MCUB: variants seen among roughly 807,000 people sequenced by gnomAD.
MCUB encodes calcium uniporter regulatory subunit MCUb, mitochondrial.
Under a neutral mutation model 41.4 loss-of-function variants are expected in MCUB, and 46 were observed. The ratio of observed to expected loss-of-function variants is 1.11; its 90% CI spans 0.88 to 1.42. The LOEUF (loss-of-function observed/expected upper bound fraction) is 1.42. Ranked by LOEUF, MCUB falls within the 40% of genes most tolerant of loss-of-function variation. The probability of loss-of-function intolerance (pLI) is 0.00; values close to 1 mark genes in which losing one functional copy is unlikely to be tolerated. For missense variants in MCUB, 403 were observed against 404.9 expected, an observed-to-expected ratio of 1.00 and a Z score of 0.04; for synonymous variants, 148 against 148.2, an observed-to-expected ratio of 1.00 and a Z score of 0.01.
intron 1 of MCUB, among the ~76,000 whole-genome samples, chr4:109,595,279 G>A (rs1158581296): frequency 6.6e-6 from 1 of 152,238 alleles, no homozygotes; most frequent in African/African-American, 2.4e-5. Context: ...GTGGGCCAAG[G>A]GAGTGAGGTA....
At chr4:109,577,989 G>A (rs188522000) in intron 1 of MCUB, among the ~76,000 whole-genome samples, 34 of 152,282 alleles carry the variant, frequency 2.2e-4, no homozygotes, top group Admixed American at 2.1e-3. Context: ...TCAGTTTTAT[G>A]TGGAAAACTT....
chr4:109,646,711 G>A (rs1728846302), intron 1 of MCUB, among the ~76,000 whole-genome samples: 1 of 152,052 alleles, frequency 6.6e-6, no homozygotes, highest in South Asian at 2.1e-4. Flanking sequence ...ACCTTACTGT[G>A]GTCCTACTGG....
chr4:109,592,255 C>CA (rs1727453595), intron 1 of MCUB, among the ~76,000 whole-genome samples: 1 of 151,540 alleles, frequency 6.6e-6, no homozygotes. Flanking sequence ...ACTAAAAATA[C>CA]AAAAATTAGC....
chr4:109,629,361 G>A (rs1728425986), intron 1 of MCUB, among the ~76,000 whole-genome samples: 1 of 152,022 alleles, frequency 6.6e-6, no homozygotes, highest in African/African-American at 2.4e-5. Context: ...TTTTTCTATT[G>A]TCTTAACAAC....
Position 109,660,211 on chromosome 4 carries a change from T to C in MCUB, c.192T>C (p.Tyr64=). Residue 64 remains tyrosine, a synonymous_variant, in exon 3 of 8, where the codon TAT becomes TAC. Coordinates refer to ENST00000394650, the MANE Select transcript of MCUB (RefSeq NM_017918.5). ...CCTTAACAGAAATAACAGTTATTTA[T>C]AGACATGGCCTTCCCTTGGTAACAC... ...VVPPDEITVI[Y]RHGLPLVTLT... is the part of the protein sequence containing the mutation. The C allele has an allele frequency of 6.4e-7, 1 of 1,552,148 alleles. No individual in the cohort carries two copies. Among genetic ancestry groups the C allele is most frequent in the Non-Finnish European group, 8.8e-7 (1 of 1,140,224 alleles).
intron 1 of MCUB, among the ~76,000 whole-genome samples, chr4:109,574,579 C>T (rs1726987183): frequency 6.6e-6 from 1 of 152,172 alleles, no homozygotes; most frequent in Non-Finnish European, 1.5e-5. Context: ...ACTGAAAAAA[C>T]TTCAGTGCCA....
At chr4:109,673,376 C>A (rs893840342) in intron 4 of MCUB, among the ~76,000 whole-genome samples, 25 of 152,290 alleles carry the variant, frequency 1.6e-4, no homozygotes, top group Admixed American at 3.9e-4. Flanking sequence ...CACTCCTGCC[C>A]ACTCATTAGA....
intron 1 of MCUB, among the ~76,000 whole-genome samples, chr4:109,575,857 A>G (rs1727014357): frequency 1.3e-5 from 2 of 152,342 alleles, no homozygotes; most frequent in East Asian, 3.9e-4. Flanking sequence ...GAAACTTTAG[A>G]ACAGCTTTGT....
chr4:109,636,134 A>G (rs1728584350), intron 1 of MCUB, among the ~76,000 whole-genome samples: 2 of 152,166 alleles, frequency 1.3e-5, no homozygotes, highest in Admixed American at 1.3e-4. Flanking sequence ...TATCTGGTCA[A>G]TTACAATGAG....
chr4:109,660,780 C>T (rs1202887778), intron 3 of MCUB, among the ~76,000 whole-genome samples: 1 of 151,466 alleles, frequency 6.6e-6, no homozygotes, highest in Admixed American at 6.6e-5. Flanking sequence ...CACGCCATTG[C>T]ACTCCAGTCT....
intron 1 of MCUB, among the ~76,000 whole-genome samples, chr4:109,656,354 C>CTTTT (rs752851425): frequency 9.7e-5 from 6 of 62,116 alleles, no homozygotes; most frequent in East Asian, 1.3e-3. Context: ...TTACTCTCTA[C>CTTTT]TTTTTTTTTT....
At position 109,601,336 on chromosome 4, in the gene MCUB, A is replaced by C. The variant is rs975008087; in HGVS notation, c.99+40900A>C. On this transcript the variant is annotated intron_variant, in intron 1 of 7. Transcript: ENST00000394650. ...GTTGTGCTATCAAATACTAGGTCTTATTCTTTCTAACTTTTTGGGGGGGTA... is the reference window on the plus strand; with the variant it reads ...GTTGTGCTATCAAATACTAGGTCTTCTTCTTTCTAACTTTTTGGGGGGGTA... Among the ~76,000 whole-genome samples, 9 of 152,092 alleles carry C rather than the reference A, an allele frequency of 5.9e-5. No homozygotes were observed. In the South Asian group the frequency reaches 1.2e-3, roughly 21 times the overall value.
At position 109,687,656 on chromosome 4, in the gene MCUB, T is replaced by C; in HGVS notation, c.*64T>C. 2.1e-6 allele frequency: 2 copies of C among 949,088 alleles called. No individual in the cohort carries two copies. Among genetic ancestry groups the C allele is most frequent in the Admixed American group, 1.9e-5 (1 of 53,632 alleles). 58.8% of individuals were successfully genotyped at this position (949,088 alleles called of 1,614,324 possible). Reference sequence around the variant, plus strand: ...ATTGATTTTGCAACTTAGGATGTTTTTGAGTCCCATGGTTCATTTTGATTG... The same window carrying C: ...ATTGATTTTGCAACTTAGGATGTTTCTGAGTCCCATGGTTCATTTTGATTG... On this transcript the variant is annotated 3_prime_UTR_variant, in exon 8 of 8. Transcript: ENST00000394650.
intron 1 of MCUB, among the ~76,000 whole-genome samples, chr4:109,614,742 C>T (rs1349836577): frequency 6.6e-6 from 1 of 151,690 alleles, no homozygotes; most frequent in Non-Finnish European, 1.5e-5. Context: ...TGATGTCCTG[C>T]CCTGTGGACC....
In MCUB at chr4:109,648,179, C is replaced by T. The variant is rs137875132; in HGVS notation, c.100-10832C>T. Among the ~76,000 whole-genome samples the T allele has an allele frequency of 4.8e-3, 737 of 152,146 alleles. 4 individuals are homozygous for T. The highest frequency in any genetic ancestry group is 6.9e-3 in the Non-Finnish European group (468 of 68,020). On this transcript the variant is annotated intron_variant, in intron 1 of 7. Transcript: ENST00000394650. Reference sequence around the variant, plus strand: ...ATCTTTTCTCTGGGTTGTAGTCCTTCGTTATCTGCTTTCAAAACCAATGTC... The same window carrying T: ...ATCTTTTCTCTGGGTTGTAGTCCTTTGTTATCTGCTTTCAAAACCAATGTC...
intron 1 of MCUB, among the ~76,000 whole-genome samples, chr4:109,589,332 ACT>A (rs1182360189): frequency 6.6e-6 from 1 of 151,970 alleles, no homozygotes; most frequent in Non-Finnish European, 1.5e-5. Context: ...CATCATCTAC[ACT>A]CTGGCATTTG....
At chr4:109,669,550 T>G (rs1729411445) in intron 4 of MCUB, among the ~76,000 whole-genome samples, 1 of 152,152 alleles carries the variant, frequency 6.6e-6, no homozygotes, top group Non-Finnish European at 1.5e-5. Flanking sequence ...GGATCTGTGG[T>G]TTGCTATCTG....
intron 4 of MCUB, chr4:109,673,730 C>A: frequency 2.0e-6 from 1 of 501,710 alleles, no homozygotes; most frequent in Non-Finnish European, 3.5e-6. Context: ...AAATTAAGTT[C>A]ACAAGGAAGA....
intron 1 of MCUB, among the ~76,000 whole-genome samples, chr4:109,628,967 C>A (rs1443594222): frequency 6.6e-6 from 1 of 152,030 alleles, no homozygotes; most frequent in Non-Finnish European, 1.5e-5. Flanking sequence ...GGTGTAGAAG[C>A]CACCGAAGAG....
Sources: allele counts gnomAD v4.1 joint callset (sites outside exome capture counted in the v4.1 genomes callset), GRCh38; gene constraint gnomAD v4.1.1; transcripts MANE v1.5; gene names NCBI Gene and HGNC (gene_info 2026-07-23, HGNC 2026-07-21).